GRIA1: variants seen among roughly 807,000 people sequenced by gnomAD.
The protein encoded by GRIA1 is glutamate receptor 1.
GRIA1 carries 31 observed loss-of-function variants against 99.2 expected under a neutral mutation model. The observed-to-expected ratio is 0.31, with a 90% CI of 0.23 to 0.42. GRIA1 has a LOEUF of 0.42. GRIA1 is among the 10% of genes least tolerant of loss of function. GRIA1 has a pLI of 1.00. For missense variants in GRIA1, 782 were observed against 1,157.5 expected, an observed-to-expected ratio of 0.68 and a Z score of 4.71; for synonymous variants, 438 against 432.4, an observed-to-expected ratio of 1.01 and a Z score of -0.16.
chr5:153,544,083 G>GA (rs1264729618), intron 2 of GRIA1, among the ~76,000 whole-genome samples: 4 of 152,046 alleles, frequency 2.6e-5, no homozygotes, highest in Non-Finnish European at 5.9e-5. Flanking sequence ...CAGAATCTGG[G>GA]AAAAAAGTGT....
intron 11 of GRIA1, among the ~76,000 whole-genome samples, chr5:153,754,379 G>A (rs1469244442): frequency 6.6e-6 from 1 of 152,188 alleles, no homozygotes; most frequent in Non-Finnish European, 1.5e-5. Flanking sequence ...TGGCTGTTAA[G>A]CAGCAAACTC....
chr5:153,490,958 A>T lies in GRIA1; in HGVS notation c.70A>T (p.Asn24Tyr). Residue 24 changes from asparagine to tyrosine, a missense_variant, in exon 1 of 16, where the codon AAT (asparagine) becomes TAT (tyrosine). Physicochemically the swap from Asn to Tyr is moderately radical, Grantham distance 143 (BLOSUM62 -2). Transcript: ENST00000285900. Reference sequence around the variant, plus strand: ...GGTAGTAGGTGCCAATTTCCCCAACAATATCCAGATCGGTGAGTGAGGGGG... The same window carrying T: ...GGTAGTAGGTGCCAATTTCCCCAACTATATCCAGATCGGTGAGTGAGGGGG... ...GAVVGANFPN[N>Y]IQIGGLFPNQ... The T allele has an allele frequency of 6.2e-7, 1 of 1,614,020 alleles. No homozygotes were observed. The highest frequency in any genetic ancestry group is 8.5e-7 in the Non-Finnish European group (1 of 1,179,944).
At chr5:153,665,356 TAACTGGATAAGTC>T (rs1285769434) in intron 5 of GRIA1, among the ~76,000 whole-genome samples, 1 of 152,210 alleles carries the variant, frequency 6.6e-6, no homozygotes. Context: ...GTTCCAAATG[TAACTGGATAAGTC>T]AACACGAATG....
At chr5:153,655,755 C>T (rs1329329504) in intron 4 of GRIA1, 64 bp from the exon 5 acceptor site, 30 of 1,373,780 alleles carry the variant, frequency 2.2e-5, no homozygotes, top group Non-Finnish European at 2.5e-5. Flanking sequence ...GCCGTTATTA[C>T]TGTTGTTGTC....
At chr5:153,679,572 G>C (rs769209280) in intron 7 of GRIA1, among the ~76,000 whole-genome samples, 1 of 152,248 alleles carries the variant, frequency 6.6e-6, no homozygotes, top group Non-Finnish European at 1.5e-5. Flanking sequence ...GGGCCCAGGG[G>C]CCCTTGCTTA....
chr5:153,511,160 C>T (rs932175181), intron 2 of GRIA1, among the ~76,000 whole-genome samples: 1 of 152,134 alleles, frequency 6.6e-6, no homozygotes, highest in Admixed American at 6.5e-5. Context: ...TGACCACAAC[C>T]AAGGAGTATT....
chr5:153,667,002 A>C (rs1755797230), intron 5 of GRIA1, among the ~76,000 whole-genome samples: 1 of 152,192 alleles, frequency 6.6e-6, no homozygotes, highest in African/African-American at 2.4e-5. Flanking sequence ...CTTTTAAAAA[A>C]ATACTTCTAA....
intron 2 of GRIA1, among the ~76,000 whole-genome samples, chr5:153,607,585 A>G (rs1765567217): frequency 6.6e-6 from 1 of 151,940 alleles, no homozygotes. Context: ...TAATTTGAAT[A>G]TTAGGCACCC....
chr5:153,635,629 G>C (rs1337178793), intron 2 of GRIA1, among the ~76,000 whole-genome samples: 2 of 152,108 alleles, frequency 1.3e-5, no homozygotes, highest in Admixed American at 1.3e-4. Flanking sequence ...GTTGACCCAA[G>C]GCTCAGACCC....
At chr5:153,741,946 A>G (rs77699981) in intron 11 of GRIA1, among the ~76,000 whole-genome samples, 7 of 149,810 alleles carry the variant, frequency 4.7e-5, no homozygotes, top group South Asian at 2.1e-4. Flanking sequence ...AAAAAAAAAA[A>G]AAAAGAAAAA....
chr5:153,634,599 C>A (rs566006236), intron 2 of GRIA1, among the ~76,000 whole-genome samples: 1 of 152,220 alleles, frequency 6.6e-6, no homozygotes, highest in South Asian at 2.1e-4. Context: ...GAACTCAGAG[C>A]CTCAGAGTTC....
At chr5:153,763,380 T>C (rs887395754) in intron 11 of GRIA1, among the ~76,000 whole-genome samples, 11 of 152,198 alleles carry the variant, frequency 7.2e-5, no homozygotes, top group Non-Finnish European at 1.5e-4. Flanking sequence ...TTGTTAAATA[T>C]AGGGTTTCAA....
intron 15 of GRIA1, among the ~76,000 whole-genome samples, chr5:153,803,726 T>C (rs992558635): frequency 6.6e-6 from 1 of 152,190 alleles, no homozygotes; most frequent in African/African-American, 2.4e-5. Context: ...TAGAATTTGC[T>C]TTATTAGATT....
chr5:153,776,307 A>G (rs956055868), intron 13 of GRIA1, among the ~76,000 whole-genome samples: 2 of 152,180 alleles, frequency 1.3e-5, no homozygotes, highest in Non-Finnish European at 2.9e-5. Flanking sequence ...TTTGGAAAAG[A>G]AGTCTGTTAC....
intron 2 of GRIA1, among the ~76,000 whole-genome samples, chr5:153,604,786 G>A (rs1765304455): frequency 6.6e-6 from 1 of 152,026 alleles, no homozygotes; most frequent in Non-Finnish European, 1.5e-5. Context: ...CCATCCATAA[G>A]GAAGAAACTG....
At chr5:153,570,791 C>T (rs929285051) in intron 2 of GRIA1, among the ~76,000 whole-genome samples, 1 of 152,060 alleles carries the variant, frequency 6.6e-6, no homozygotes, top group Admixed American at 6.6e-5. Context: ...TAGCTCAATG[C>T]CTGGCACATA....
chr5:153,632,250 G>A (rs1044254036), intron 2 of GRIA1, among the ~76,000 whole-genome samples: 1 of 152,256 alleles, frequency 6.6e-6, no homozygotes, highest in Non-Finnish European at 1.5e-5. Context: ...CAGGTGAGCA[G>A]TGGCAGAGCC....
chr5:153,756,265 ACCC>A (rs1360272105), intron 11 of GRIA1, among the ~76,000 whole-genome samples: 2 of 151,748 alleles, frequency 1.3e-5, no homozygotes, highest in African/African-American at 2.4e-5. Context: ...CTCAGCTTTC[ACCC>A]CTCTTGCTAC....
chr5:153,574,984 T>C (rs1248065223), intron 2 of GRIA1, among the ~76,000 whole-genome samples: 26 of 152,092 alleles, frequency 1.7e-4, no homozygotes, highest in Non-Finnish European at 2.9e-5. Context: ...AAGAAATAGT[T>C]TGTGCTGTGC....
Sources: gnomAD v4.1 joint callset for allele counts (sites outside exome capture counted in the v4.1 genomes callset) on GRCh38, gnomAD v4.1.1 for gene constraint, MANE v1.5 for transcripts, NCBI Gene and HGNC (gene_info 2026-07-23, HGNC 2026-07-21) for gene names.